LYN: variants seen among roughly 807,000 people sequenced by gnomAD.
The protein encoded by LYN is tyrosine-protein kinase Lyn.
A neutral mutation model predicts 65.0 loss-of-function variants in LYN; 12 were observed. The ratio of observed to expected loss-of-function variants is 0.18; its 90% CI spans 0.12 to 0.30. The LOEUF is 0.30. Ranked by LOEUF, LYN falls within the 10% of genes least tolerant of loss-of-function variation. The probability of loss-of-function intolerance (pLI) is 1.00; values close to 1 mark genes in which losing one functional copy is unlikely to be tolerated. For missense variants in LYN, 380 were observed against 623.2 expected (o/e 0.61, Z 4.16); for synonymous variants, 222 against 221.2 (o/e 1.00, Z -0.03).
At chr8:55,986,208 A>G (rs1808069889) in intron 10 of LYN, among the ~76,000 whole-genome samples, 1 of 144,188 alleles carries the variant, frequency 6.9e-6, no homozygotes, top group African/African-American at 2.6e-5. Context: ...AAAAAACGCT[A>G]CCTTATGTAT....
intron 1 of LYN, among the ~76,000 whole-genome samples, chr8:55,925,414 C>T (rs969285341): frequency 1.2e-4 from 19 of 152,314 alleles, no homozygotes; most frequent in African/African-American, 4.1e-4. Context: ...CGAGCCACTG[C>T]GCTCCACCAG....
chr8:55,945,985 A>G (rs1341694247), intron 2 of LYN, among the ~76,000 whole-genome samples: 1 of 152,196 alleles, frequency 6.6e-6, no homozygotes, highest in Admixed American at 6.5e-5. Flanking sequence ...TGAAGACTCC[A>G]GCCTTCACTT....
chr8:55,880,046 C>CA lies in LYN; in HGVS notation c.-62dup, dbSNP rs1234588719. ...TGCTGGGCCGCCCCGTCGCGCCCCC[C>CA]ACTCTGAACTCAAGTCACCGTGGAG... is the stretch of plus-strand genomic sequence containing the variant. On this transcript the variant is annotated 5_prime_UTR_variant, in exon 1 of 13. Coordinates refer to ENST00000519728, the MANE Select transcript of LYN (RefSeq NM_002350.4). The CA allele has an allele frequency of 6.4e-6, 2 of 312,354 alleles. No homozygotes were observed. The highest frequency in any genetic ancestry group is 1.6e-4 in the East Asian group (1 of 6,382). The allele number at this position is 312,354 out of a possible 1,614,324, so 19.3% of individuals were successfully genotyped here.
chr8:55,928,655 C>A (rs912372093), intron 1 of LYN, among the ~76,000 whole-genome samples: 3 of 152,078 alleles, frequency 2.0e-5, no homozygotes, highest in African/African-American at 7.2e-5. Context: ...ATATATTTTG[C>A]AAAGATTTTA....
intron 2 of LYN, among the ~76,000 whole-genome samples, chr8:55,943,637 T>C (rs1334506300): frequency 3.3e-5 from 5 of 151,216 alleles, no homozygotes; most frequent in Non-Finnish European, 7.4e-5. Context: ...TTTTAAATGC[T>C]CAGGTGTTTT....
At chr8:55,893,882 C>T (rs1422016931) in intron 1 of LYN, 2 of 152,160 alleles carry the variant, frequency 1.3e-5, no homozygotes, top group Non-Finnish European at 2.9e-5. Flanking sequence ...CACTCACACA[C>T]TATGGTCCTG....
Position 55,998,336 on chromosome 8 carries a change from C to T in LYN, c.1051-10C>T, listed in dbSNP as rs1326137420. The T allele has an allele frequency of 6.2e-7, 1 of 1,601,056 alleles. No homozygotes were observed. The highest frequency in any genetic ancestry group is 8.6e-7 in the Non-Finnish European group (1 of 1,168,872). On this transcript the variant is annotated splice_polypyrimidine_tract_variant and intron_variant, in intron 10 of 12. Coordinates refer to ENST00000519728, the MANE Select transcript of LYN (RefSeq NM_002350.4). ...TACATATGAAAATGGGAGCCTATTT[C>T]TGTTTTCAGATTGCAGAGGGAATGG... is the stretch of plus-strand genomic sequence containing the variant.
At chr8:55,961,461 A>G (rs531848080) in intron 8 of LYN, among the ~76,000 whole-genome samples, 3 of 152,118 alleles carry the variant, frequency 2.0e-5, no homozygotes, top group East Asian at 1.9e-4. Context: ...AAACCACCCT[A>G]TTGTTTCAAT....
chr8:56,001,740 T>TA (rs1808518466), intron 12 of LYN, among the ~76,000 whole-genome samples: 1 of 152,180 alleles, frequency 6.6e-6, no homozygotes, highest in Non-Finnish European at 1.5e-5. Flanking sequence ...AAAGATTATA[T>TA]AGTCAGATTA....
intron 1 of LYN, among the ~76,000 whole-genome samples, chr8:55,926,537 G>A (rs73682019): frequency 0.028 from 4,304 of 152,286 alleles, 122 homozygotes; most frequent in African/African-American, 0.073. Flanking sequence ...GCTCTTATCA[G>A]TTATTTTCTG....
intron 1 of LYN, among the ~76,000 whole-genome samples, chr8:55,912,139 C>CA: frequency 6.6e-6 from 1 of 152,166 alleles, no homozygotes; most frequent in East Asian, 1.9e-4. Flanking sequence ...TAGACTGCTG[C>CA]AAGAAAAGAA....
intron 1 of LYN, among the ~76,000 whole-genome samples, chr8:55,881,813 C>T (rs1313280363): frequency 1.3e-5 from 2 of 152,206 alleles, no homozygotes; most frequent in Non-Finnish European, 2.9e-5. Context: ...TTAACCATTA[C>T]AGTGGAAGCT....
At chr8:55,889,002 C>T (rs1390254878) in intron 1 of LYN, among the ~76,000 whole-genome samples, 1 of 152,010 alleles carries the variant, frequency 6.6e-6, no homozygotes, top group African/African-American at 2.4e-5. Context: ...TTTTCCCTCA[C>T]GTGTATTTCT....
At chr8:55,882,281 T>C (rs1804673500) in intron 1 of LYN, among the ~76,000 whole-genome samples, 1 of 152,198 alleles carries the variant, frequency 6.6e-6, no homozygotes. Context: ...ATCCCGCCCC[T>C]GCCCTCCAAT....
Position 56,010,886 on chromosome 8 carries a change from G to A in LYN, c.*776G>A, listed in dbSNP as rs1366144841. On this transcript the variant is annotated 3_prime_UTR_variant, in exon 13 of 13. Coordinates refer to ENST00000519728, the MANE Select transcript of LYN (RefSeq NM_002350.4). Reference sequence around the variant, plus strand: ...AGCCTCAGAAACTGCTCTGTGTTTAGAAGGAATATTTTTAAGAGTCCAGCT... The same window carrying A: ...AGCCTCAGAAACTGCTCTGTGTTTAAAAGGAATATTTTTAAGAGTCCAGCT... 4.3e-6 allele frequency: 1 copy of A among 229,988 alleles called. No individual in the cohort carries two copies. The highest frequency in any genetic ancestry group is 2.2e-5 in the African/African-American group (1 of 45,154). The allele number at this position is 229,988 out of a possible 1,614,324, so 14.2% of individuals were successfully genotyped here.
intron 10 of LYN, among the ~76,000 whole-genome samples, chr8:55,984,521 C>T (rs1808020272): frequency 6.6e-6 from 1 of 152,250 alleles, no homozygotes; most frequent in African/African-American, 2.4e-5. Flanking sequence ...CTTCCTTTTA[C>T]ATTGTATATC....
chr8:55,911,571 C>T (rs974451499), intron 1 of LYN, among the ~76,000 whole-genome samples: 2 of 152,004 alleles, frequency 1.3e-5, no homozygotes, highest in African/African-American at 4.8e-5. Flanking sequence ...ACATTCACTA[C>T]TTGGTGGAAA....
rs1186059867 is a variant in LYN at position 55,963,215 on chromosome 8, C to T, written c.791-3500C>T. ...TTGTGCTGATGCAAGCATGCATGAG[C>T]TCTAGGGTGAGTGGGAGTGGATTTG... is the stretch of plus-strand genomic sequence containing the variant. On this transcript the variant is annotated intron_variant, in intron 8 of 12. Transcript: ENST00000519728. Among the ~76,000 whole-genome samples the T allele has an allele frequency of 2.0e-5, 3 of 152,330 alleles. No individual in the cohort carries two copies. In the East Asian group the frequency reaches 5.8e-4, roughly 29 times the overall value.
At chr8:55,883,393 T>A (rs1696499399) in intron 1 of LYN, among the ~76,000 whole-genome samples, 1 of 152,230 alleles carries the variant, frequency 6.6e-6, no homozygotes, top group South Asian at 2.1e-4. Context: ...AGATGCACCA[T>A]CAAGCTGGGC....
Sources: allele counts gnomAD v4.1 joint callset (sites outside exome capture counted in the v4.1 genomes callset), GRCh38; gene constraint gnomAD v4.1.1; transcripts MANE v1.5; gene names NCBI Gene and HGNC (gene_info 2026-07-23, HGNC 2026-07-21).